Variants in CBFA2T3 observed in about 807,000 individuals in gnomAD.
CBFA2T3 encodes transcriptional corepressor CBFA2T3.
Under a neutral mutation model 58.6 loss-of-function variants are expected in CBFA2T3, and 31 were observed. The observed-to-expected ratio is 0.53, with a 90% confidence interval of 0.40 to 0.71. CBFA2T3 has a LOEUF of 0.71. Ranked by LOEUF, CBFA2T3 falls within the 30% of genes least tolerant of loss-of-function variation. CBFA2T3 has a pLI of 0.00. For synonymous variants in CBFA2T3, 531 were observed against 421.9 expected (o/e 1.26, Z -3.17); for missense variants, 1,076 against 963.1 (o/e 1.12, Z -1.55).
chr16:88,904,709 T>C (rs1390259170), intron 1 of CBFA2T3, among the ~76,000 whole-genome samples: 1 of 150,776 alleles, frequency 6.6e-6, no homozygotes, highest in South Asian at 2.1e-4. Flanking sequence ...ATGGGACCTT[T>C]CCGGGCCCCA....
Position 88,885,326 on chromosome 16 carries a change from A to C in CBFA2T3, c.894-57T>G. 1 of 1,264,054 alleles carries C rather than the reference A, an allele frequency of 7.9e-7. No individual in the cohort carries two copies. Among genetic ancestry groups the C allele is most frequent in the East Asian group, 2.6e-5 (1 of 37,962 alleles). 78.3% of individuals were successfully genotyped at this position (1,264,054 alleles called of 1,614,324 possible). A position where few individuals can be genotyped will look rare whatever the true frequency, so the allele number is the denominator to read the frequency against. On this transcript the variant is annotated intron_variant, in intron 6 of 11. Transcript: ENST00000268679. This position sits in a 1 kb window ranked among gnomAD's most constrained non-coding sequence, Gnocchi z 5.3. ...TGGACATAGGATGAACCGGGGACAGAGGTGCAGGTGGGGTGAGAGGCAGAC... is the reference window on the plus strand; with the variant it reads ...TGGACATAGGATGAACCGGGGACAGCGGTGCAGGTGGGGTGAGAGGCAGAC...
Position 88,976,820 on chromosome 16 carries a change from C to A in CBFA2T3, c.-13G>T, listed in dbSNP as rs373156447. The A allele has an allele frequency of 1.5e-5, 23 of 1,545,314 alleles. No individual in the cohort carries two copies. The highest frequency in any genetic ancestry group is 2.0e-5 in the Non-Finnish European group (23 of 1,141,782). On this transcript the variant is annotated 5_prime_UTR_variant, in exon 1 of 12. Transcript: ENST00000268679. ...TTGAAGCCGGCATGAGGAGGGCCAC[C>A]CTCAGGGGCCAACCTGGAGCCCAGG... is the stretch of plus-strand genomic sequence containing the variant.
At chr16:88,941,006 G>T in intron 1 of CBFA2T3, 1 of 977,548 alleles carries the variant, frequency 1.0e-6, no homozygotes, top group Non-Finnish European at 1.2e-6. Context: ...GCGCGGGGCG[G>T]ACACGGCACT....
intron 1 of CBFA2T3, among the ~76,000 whole-genome samples, chr16:88,907,444 G>A (rs1035523347): frequency 8.5e-5 from 13 of 152,226 alleles, no homozygotes; most frequent in Middle Eastern, 3.2e-3. Context: ...CAGCGGGTGC[G>A]GAATCTGACG....
chr16:88,889,699 G>A (rs1271305238), intron 5 of CBFA2T3, among the ~76,000 whole-genome samples: 2 of 151,880 alleles, frequency 1.3e-5, no homozygotes, highest in Non-Finnish European at 2.9e-5. Context: ...CTCCTCCAGG[G>A]ACGACACCCC....
chr16:88,940,932 CGCGGCT>C, intron 1 of CBFA2T3: 1 of 684,674 alleles, frequency 1.5e-6, no homozygotes, highest in Non-Finnish European at 1.8e-6. Context: ...GTGCGCTCGG[CGCGGCT>C]GCGGCGCAGA....
chr16:88,909,048 G>T (rs1232074137), intron 1 of CBFA2T3, among the ~76,000 whole-genome samples: 4 of 152,176 alleles, frequency 2.6e-5, no homozygotes, highest in Non-Finnish European at 2.9e-5. Context: ...TCCTGGAGCT[G>T]ACCACAGGCC....
At chr16:88,971,093 C>T (rs1006918766) in intron 1 of CBFA2T3, among the ~76,000 whole-genome samples, 1 of 151,982 alleles carries the variant, frequency 6.6e-6, no homozygotes, top group African/African-American at 2.4e-5. Flanking sequence ...ATGTGGCTGA[C>T]GTGTTTTCAT....
At chr16:88,894,942 G>C (rs1969827421) in intron 3 of CBFA2T3, among the ~76,000 whole-genome samples, 1 of 152,152 alleles carries the variant, frequency 6.6e-6, no homozygotes, top group Admixed American at 6.5e-5. Flanking sequence ...TTTCCTTCCT[G>C]TGCCCTGGAT....
At chr16:88,932,791 CAAAAAAAAAAAAAAAA>C (rs576934029) in intron 1 of CBFA2T3, among the ~76,000 whole-genome samples, 19 of 27,858 alleles carry the variant, frequency 6.8e-4, no homozygotes, top group East Asian at 1.6e-3. Flanking sequence ...ACTAAAAATA[CAAAAAAAAAAAAAAAA>C]AAAAAAAAAA....
chr16:88,930,376 G>A (rs1469781383), intron 1 of CBFA2T3, among the ~76,000 whole-genome samples: 2 of 151,970 alleles, frequency 1.3e-5, no homozygotes, highest in Non-Finnish European at 2.9e-5. Flanking sequence ...GCCCACAGCT[G>A]CATCGTCCAC....
intron 1 of CBFA2T3, chr16:88,938,099 C>CT (rs1300262625): frequency 6.6e-6 from 1 of 152,378 alleles, no homozygotes; most frequent in African/African-American, 2.4e-5. Flanking sequence ...TGAGGCTGGC[C>CT]TTGGGGCTCC....
chr16:88,881,167 G>A (rs757445041), intron 9 of CBFA2T3, 124 bp downstream of exon 9: 120 of 886,496 alleles, frequency 1.4e-4, no homozygotes, highest in Middle Eastern at 2.1e-4. Flanking sequence ...TGAAAAAGGT[G>A]CCTCTTTCTC....
intron 1 of CBFA2T3, among the ~76,000 whole-genome samples, chr16:88,927,378 C>T (rs1035311883): frequency 5.9e-5 from 9 of 152,228 alleles, no homozygotes; most frequent in Non-Finnish European, 5.9e-5. Context: ...ACTGGGGGCC[C>T]CAGATCCTCC....
chr16:88,945,133 A>G (rs183619282), intron 1 of CBFA2T3, among the ~76,000 whole-genome samples: 6 of 152,374 alleles, frequency 3.9e-5, no homozygotes, highest in Admixed American at 3.9e-4. Flanking sequence ...ATATTTAAAA[A>G]TAAGCGGGTG....
At chr16:88,904,238 T>C (rs1970215513) in intron 1 of CBFA2T3, among the ~76,000 whole-genome samples, 1 of 152,102 alleles carries the variant, frequency 6.6e-6, no homozygotes, top group South Asian at 2.1e-4. Context: ...GCTGTCCCTT[T>C]ACTTCAGAGG....
At chr16:88,969,550 G>A (rs1972597085) in intron 1 of CBFA2T3, among the ~76,000 whole-genome samples, 1 of 152,248 alleles carries the variant, frequency 6.6e-6, no homozygotes, top group Non-Finnish European at 1.5e-5. Flanking sequence ...ACAGGCTGGG[G>A]TCAGCGTGGC....
At chr16:88,971,819 C>A (rs930764067) in intron 1 of CBFA2T3, among the ~76,000 whole-genome samples, 1 of 152,166 alleles carries the variant, frequency 6.6e-6, no homozygotes, top group African/African-American at 2.4e-5. Context: ...ACCAATCGGC[C>A]TCTCCCTGAG....
chr16:88,971,951 T>A (rs1365748031), intron 1 of CBFA2T3, among the ~76,000 whole-genome samples: 1 of 152,124 alleles, frequency 6.6e-6, no homozygotes, highest in East Asian at 1.9e-4. Flanking sequence ...CCACATGTGG[T>A]GAGAAGTGAA....
Sources: allele counts gnomAD v4.1 joint callset (sites outside exome capture counted in the v4.1 genomes callset), GRCh38; gene constraint gnomAD v4.1.1; non-coding constraint Gnocchi (gnomAD v3.1); transcripts MANE v1.5; gene names NCBI Gene and HGNC (gene_info 2026-07-23, HGNC 2026-07-21).